The following HERPUD2 variants were observed in gnomAD, a reference collection of about 807,000 sequenced individuals.
The protein encoded by HERPUD2 is HERPUD family member 2.
HERPUD2 carries 13 observed loss-of-function variants against 49.9 expected under a neutral mutation model. The observed-to-expected ratio is 0.26, with a 90% CI of 0.17 to 0.41. The LOEUF (loss-of-function observed/expected upper bound fraction) is 0.41, where lower values mean the gene tolerates loss of function less well. Among genes scored for constraint, HERPUD2 ranks in the 10% least tolerant of loss-of-function variants. The pLI is 1.00. For synonymous variants in HERPUD2, 172 were observed against 171.4 expected (o/e 1.00, Z -0.03); for missense variants, 449 against 492.2 (o/e 0.91, Z 0.83).
intron 5 of HERPUD2, among the ~76,000 whole-genome samples, chr7:35,661,168 T>G (rs1179718843): frequency 6.6e-6 from 1 of 152,130 alleles, no homozygotes; most frequent in Non-Finnish European, 1.5e-5. Context: ...TCGTCAGGTT[T>G]GTGAAAGATC....
intron 5 of HERPUD2, among the ~76,000 whole-genome samples, chr7:35,656,379 T>C (rs1785275095): frequency 6.6e-6 from 1 of 152,074 alleles, no homozygotes; most frequent in Non-Finnish European, 1.5e-5. Flanking sequence ...GAAGAGCTCA[T>C]ATCATTAAAA....
intron 5 of HERPUD2, among the ~76,000 whole-genome samples, chr7:35,658,146 G>A (rs187600791): frequency 7.9e-5 from 12 of 152,276 alleles, no homozygotes; most frequent in Admixed American, 2.6e-4. Flanking sequence ...CTATTTCACC[G>A]TAAAAGAGGA....
In HERPUD2 at chr7:35,635,974, C is replaced by T. The variant is rs546678328; in HGVS notation, c.618-516G>A. On this transcript the variant is annotated intron_variant, in intron 6 of 8. Coordinates refer to ENST00000311350, the MANE Select transcript of HERPUD2 (RefSeq NM_022373.5). Reference sequence around the variant, plus strand: ...ATCCTAAATACATCTCAGATAACAACCCTTCCACCCCAATACTGATTTGGA... The same window carrying T: ...ATCCTAAATACATCTCAGATAACAATCCTTCCACCCCAATACTGATTTGGA... 5.9e-5 allele frequency among the ~76,000 whole-genome samples: 9 copies of T among 152,288 alleles called. No homozygotes were observed. In the South Asian group the frequency reaches 1.9e-3, roughly 32 times the overall value.
intron 2 of HERPUD2, among the ~76,000 whole-genome samples, chr7:35,692,209 C>T (rs1232520436): frequency 6.6e-6 from 1 of 152,210 alleles, no homozygotes; most frequent in African/African-American, 2.4e-5. Context: ...CACTGACATC[C>T]TCCACTAGTG....
intron 5 of HERPUD2, among the ~76,000 whole-genome samples, chr7:35,655,884 AGT>A (rs1436789648): frequency 3.0e-4 from 46 of 152,242 alleles, no homozygotes; most frequent in Non-Finnish European, 3.1e-4. Flanking sequence ...AATCGAGCCG[AGT>A]GTGGTGGCTC....
At chr7:35,637,713 T>C (rs527489480) in intron 6 of HERPUD2, among the ~76,000 whole-genome samples, 1 of 152,328 alleles carries the variant, frequency 6.6e-6, no homozygotes. Context: ...GAGAAGCACG[T>C]AGTAACAAAT....
intron 5 of HERPUD2, among the ~76,000 whole-genome samples, chr7:35,649,692 G>A (rs1361964626): frequency 6.6e-6 from 1 of 152,182 alleles, no homozygotes; most frequent in Non-Finnish European, 1.5e-5. Context: ...GCAATTGGGT[G>A]AATTATTATC....
At chr7:35,652,199 C>T (rs535984116) in intron 5 of HERPUD2, among the ~76,000 whole-genome samples, 1 of 152,290 alleles carries the variant, frequency 6.6e-6, no homozygotes, top group African/African-American at 2.4e-5. Context: ...TAAGGAAAAT[C>T]CACCACGGTG....
At chr7:35,640,529 A>C (rs1784952927) in intron 5 of HERPUD2, among the ~76,000 whole-genome samples, 1 of 152,194 alleles carries the variant, frequency 6.6e-6, no homozygotes, top group South Asian at 2.1e-4. Flanking sequence ...AAAATAAATA[A>C]ATAACCTCCC....
chr7:35,673,374 C>A, intron 2 of HERPUD2, 96 bp from the exon 3 acceptor site: 2 of 878,626 alleles, frequency 2.3e-6, no homozygotes. Context: ...ATAAAACTCC[C>A]TTTAGGCACA....
rs1330902012 is a variant in HERPUD2 at position 35,694,811 on chromosome 7, G to A, written c.-308C>T. On this transcript the variant is annotated 5_prime_UTR_variant, in exon 1 of 9. Transcript: ENST00000311350. ...CGGGCACTGGGGTACCTGAGAGAAG[G>A]CCGCGGGGCCCGCCACCGCCGCCCT... is the stretch of plus-strand genomic sequence containing the variant. 2 of 152,978 alleles carry A rather than the reference G, an allele frequency of 1.3e-5. No individual in the cohort carries two copies. Among genetic ancestry groups the A allele is most frequent in the African/African-American group, 4.8e-5 (2 of 41,476 alleles). The allele number at this position is 152,978 out of a possible 1,614,324, so 9.5% of individuals were successfully genotyped here. A position where few individuals can be genotyped will look rare whatever the true frequency, so the allele number is the denominator to read the frequency against.
intron 2 of HERPUD2, among the ~76,000 whole-genome samples, chr7:35,693,364 C>G (rs774840573): frequency 2.6e-5 from 4 of 152,026 alleles, no homozygotes; most frequent in Non-Finnish European, 5.9e-5. Flanking sequence ...GAATCTACAA[C>G]TTATAATTCT....
intron 5 of HERPUD2, among the ~76,000 whole-genome samples, chr7:35,662,311 T>C (rs1225174459): frequency 2.0e-5 from 3 of 152,218 alleles, no homozygotes; most frequent in African/African-American, 4.8e-5. Flanking sequence ...TCGATGTTCA[T>C]CGGGGATATT....
rs377198474 is a variant in HERPUD2, at chr7:35,635,290, C to T, written c.786G>A (p.Gln262=). ...CTTCTTCATTTAGTACTGGACCTCC[C>T]TGTGCATTCATTTGAACATTCTCAT... ...PMNENVQMNA[Q]GGPVLNEEDF... Residue 262 remains glutamine (Q), a synonymous_variant, in exon 7 of 9, where the codon CAG becomes CAA. Coordinates refer to ENST00000311350, the MANE Select transcript of HERPUD2 (RefSeq NM_022373.5). The T allele has an allele frequency of 1.2e-6, 2 of 1,614,052 alleles. No individual in the cohort carries two copies. The highest frequency in any genetic ancestry group is 2.7e-5 in the African/African-American group (2 of 74,916).
At chr7:35,670,422 C>A in intron 3 of HERPUD2, 94 bp from the exon 4 acceptor site, 1 of 455,068 alleles carries the variant, frequency 2.2e-6, no homozygotes, top group East Asian at 3.4e-5. Context: ...AAACTTAGGT[C>A]CCTTTCGAGC....
In HERPUD2 at chr7:35,694,373, A is replaced by G. The variant is rs1041885363; in HGVS notation, c.-43T>C. Reference sequence around the variant, plus strand: ...ACAGAGTCCAGAGGAGCGGCAGTTAAGCCCAAAAGAGCCGAGATGGTCACC... The same window carrying G: ...ACAGAGTCCAGAGGAGCGGCAGTTAGGCCCAAAAGAGCCGAGATGGTCACC... On this transcript the variant is annotated 5_prime_UTR_variant, in exon 2 of 9. Coordinates refer to ENST00000311350, the MANE Select transcript of HERPUD2 (RefSeq NM_022373.5). 1.2e-6 allele frequency: 2 copies of G among 1,611,014 alleles called. No homozygotes were observed. Among genetic ancestry groups the G allele is most frequent in the African/African-American group, 2.7e-5 (2 of 74,832 alleles).
chr7:35,653,124 A>G (rs569180001), intron 5 of HERPUD2, among the ~76,000 whole-genome samples: 2 of 152,324 alleles, frequency 1.3e-5, no homozygotes, highest in South Asian at 2.1e-4. Context: ...TTATCACTTA[A>G]AAGATACAGA....
Position 35,694,443 on chromosome 7 carries a change from C to T in HERPUD2, c.-113G>A. 1.8e-6 allele frequency: 2 copies of T among 1,094,258 alleles called. No individual in the cohort carries two copies. Among genetic ancestry groups the T allele is most frequent in the Non-Finnish European group, 2.7e-6 (2 of 735,808 alleles). 67.8% of individuals were successfully genotyped at this position (1,094,258 alleles called of 1,614,324 possible). A position where few individuals can be genotyped will look rare whatever the true frequency, so the allele number is the denominator to read the frequency against. ...GGACAGAAGTGAGTTCTTAGTATTC[C>T]GTGTCCAAGTCAGTTACAAGTGCAC... On this transcript the variant is annotated 5_prime_UTR_variant, in exon 2 of 9. Transcript: ENST00000311350.
intron 6 of HERPUD2, among the ~76,000 whole-genome samples, chr7:35,637,164 T>C (rs3051878): frequency 1.3e-5 from 1 of 76,918 alleles, no homozygotes; most frequent in Non-Finnish European, 2.5e-5. Context: ...GAAAGAAAGA[T>C]AGATAGATAG....
Sources: gnomAD v4.1 joint callset for allele counts (sites outside exome capture counted in the v4.1 genomes callset) on GRCh38, gnomAD v4.1.1 for gene constraint, MANE v1.5 for transcripts, NCBI Gene and HGNC (gene_info 2026-07-23, HGNC 2026-07-21) for gene names.